Variants in KMT5C observed in about 807,000 individuals in gnomAD.
KMT5C encodes lysine methyltransferase 5C.
A neutral mutation model predicts 38.2 loss-of-function variants in KMT5C; 16 were observed. The ratio of observed to expected loss-of-function variants is 0.42; its 90% CI spans 0.28 to 0.64. The LOEUF is 0.64. Ranked by LOEUF, KMT5C falls within the 30% of genes least tolerant of loss-of-function variation. The pLI, the probability that KMT5C is intolerant of heterozygous loss-of-function variation, is 0.23. For missense variants in KMT5C, 598 were observed against 665.1 expected, an observed-to-expected ratio of 0.90 and a Z score of 1.11; for synonymous variants, 291 against 279.0, an observed-to-expected ratio of 1.04 and a Z score of -0.43.
intron 6 of KMT5C, chr19:55,345,105 C>A (rs1358718808): frequency 6.6e-6 from 3 of 455,560 alleles, no homozygotes; most frequent in African/African-American, 4.0e-5. Flanking sequence ...CAGTGTGCTC[C>A]AGCCACCTTG....
At chr19:55,340,936 C>T (rs1327876853) in intron 1 of KMT5C, among the ~76,000 whole-genome samples, 2 of 152,044 alleles carry the variant, frequency 1.3e-5, no homozygotes, top group African/African-American at 4.8e-5. Context: ...CTGCAGCGCC[C>T]CCTCTTTCTC....
chr19:55,346,887 ACCGGCCCAGCTTGCACTGACTTCACCTCT>A, intron 8 of KMT5C, 40 bp from the exon 9 acceptor site: 1 of 765,812 alleles, frequency 1.3e-6, no homozygotes. Context: ...CCAGAGGAGG[ACCGGCCCAGCTTGCACTGACTTCACCTCT>A]CCTTTGTTCC....
intron 1 of KMT5C, 149 bp downstream of exon 1, chr19:55,340,106 G>T (rs967168529): frequency 7.5e-6 from 1 of 134,206 alleles, no homozygotes; most frequent in Non-Finnish European, 1.6e-5. Flanking sequence ...CCGGCCCCTC[G>T]CCGGGCCTCG....
chr19:55,341,945 C>T lies in KMT5C; in HGVS notation c.9C>T (p.Pro3=), dbSNP rs148123445. MG[P]DRVTARELCE... is the part of the protein sequence containing the mutation. Reference sequence around the variant, plus strand: ...ATGGTCCGCAGGGCACCATGGGGCCCGACAGAGTGACAGCACGAGAACTGT... The same window carrying T: ...ATGGTCCGCAGGGCACCATGGGGCCTGACAGAGTGACAGCACGAGAACTGT... Residue 3 remains proline, a synonymous_variant, in exon 2 of 9, where the codon CCC becomes CCT. Coordinates refer to ENST00000255613, the MANE Select transcript of KMT5C (RefSeq NM_032701.4). The T allele has an allele frequency of 2.2e-5, 36 of 1,613,216 alleles. No homozygotes were observed. The highest frequency in any genetic ancestry group is 3.3e-5 in the South Asian group (3 of 91,088).
chr19:55,345,009 C>T (rs1422506460), intron 6 of KMT5C: 7 of 456,910 alleles, frequency 1.5e-5, no homozygotes, highest in Middle Eastern at 3.2e-4. Context: ...TTTTGGACAG[C>T]GAATGCGTGG....
At chr19:55,345,183 G>T in intron 6 of KMT5C, 1 of 403,836 alleles carries the variant, frequency 2.5e-6, no homozygotes, top group East Asian at 7.2e-5. Flanking sequence ...GCCATGCTGG[G>T]CATCGACGGA....
chr19:55,346,811 C>T, intron 8 of KMT5C, 124 bp downstream of exon 8: 1 of 699,440 alleles, frequency 1.4e-6, no homozygotes, highest in Non-Finnish European at 2.1e-6. Context: ...CGCTGGCAGG[C>T]CTCGCTGTTG....
Position 55,346,610 on chromosome 19 carries a change from A to T in KMT5C, c.818A>T (p.Asp273Val). ...ETKRRLQQGL[D>V]SGSRQGLLGP... Reference sequence around the variant, plus strand: ...AAGCGGCGGCTGCAGCAAGGCCTGGACAGTGGCAGCCGACAGGGCCTGCTG... The same window carrying T: ...AAGCGGCGGCTGCAGCAAGGCCTGGTCAGTGGCAGCCGACAGGGCCTGCTG... Residue 273 changes from aspartate (D) to valine (V), a missense_variant, in exon 8 of 9, where the codon GAC becomes GTC. Asp to Val is a radical substitution (Grantham distance 152). Around this residue, in one of 3 missense-constraint regions of KMT5C, gnomAD observed 326 missense variants for 298.1 expected, o/e 1.09. Coordinates refer to ENST00000255613, the MANE Select transcript of KMT5C (RefSeq NM_032701.4). 2 of 1,573,978 alleles carry T rather than the reference A, an allele frequency of 1.3e-6. No individual in the cohort carries two copies. Among genetic ancestry groups the T allele is most frequent in the South Asian group, 2.3e-5 (2 of 85,950 alleles).
At chr19:55,339,991 C>A (rs1323287617) in intron 1 of KMT5C, 34 bp downstream of exon 1, 2 of 152,294 alleles carry the variant, frequency 1.3e-5, no homozygotes, top group Non-Finnish European at 2.9e-5. Context: ...TCTCTGAGCC[C>A]CTTCACGGCC....
At position 55,346,357 on chromosome 19, in the gene KMT5C, C is replaced by G. The variant is rs779865486; in HGVS notation, c.707+8C>G. 21 of 1,613,802 alleles carry G rather than the reference C, an allele frequency of 1.3e-5. No individual in the cohort carries two copies. The highest frequency in any genetic ancestry group is 2.7e-5 in the African/African-American group (2 of 74,892). The stretch of plus-strand genomic sequence containing the variant: ...ATGCCACACCTGTGAGAGGTGGGAC[C>G]GGGCGAGAGGCGGCTGGGTTCGGGT... On this transcript the variant is annotated splice_region_variant and intron_variant, in intron 7 of 8. Transcript: ENST00000255613.
At chr19:55,346,096 G>C (rs991313604) in intron 6 of KMT5C, 117 bp from the exon 7 acceptor site, 61 of 1,268,540 alleles carry the variant, frequency 4.8e-5, no homozygotes, top group Non-Finnish European at 6.4e-5. Flanking sequence ...TAGGGGCTCA[G>C]CTGTTGCCCC....
rs1481203347 is a variant in KMT5C at position 55,343,619 on chromosome 19, C to A, written c.387-61C>A. The A allele has an allele frequency of 3.9e-6, 6 of 1,523,442 alleles. No individual in the cohort carries two copies. The African/African-American group carries it at 5.5e-5, about 14-fold the overall frequency. The allele number at this position is 1,523,442 out of a possible 1,614,324, so 94.4% of individuals were successfully genotyped here. On this transcript the variant is annotated intron_variant, in intron 4 of 8. Transcript: ENST00000255613. The surrounding 1 kb of genome is among the most constrained non-coding windows in gnomAD (Gnocchi z 5.5). ...TGCCTCTGTGCCGGAGGCCCGAGTC[C>A]CCTGAACACCTGCAGGAGGCCAGGC...
chr19:55,346,828 T>TC (rs2089624851), intron 8 of KMT5C, 128 bp from the exon 9 acceptor site: 3 of 792,546 alleles, frequency 3.8e-6, no homozygotes, highest in Non-Finnish European at 5.9e-6. Flanking sequence ...GTTGAGCAGT[T>TC]CGGCCGCATC....
At position 55,342,325 on chromosome 19, in the gene KMT5C, C is replaced by CGGCCCGCTACTTCCA; in HGVS notation, c.223_237dup (p.Ala75_Gln79dup). ...CGGGCCCTGACGCTGGGAGGCTGGA[C>CGGCCCGCTACTTCCA]GGCCCGCTACTTCCAGAGCCGGGGC... On this transcript the variant is annotated inframe_insertion, in exon 3 of 9. Transcript: ENST00000255613. 6.4e-7 allele frequency: 1 copy of CGGCCCGCTACTTCCA among 1,569,758 alleles called. No homozygotes were observed. Among genetic ancestry groups the CGGCCCGCTACTTCCA allele is most frequent in the Middle Eastern group, 1.7e-4 (1 of 5,884 alleles).
rs1350740881 is a variant in KMT5C at position 55,347,625 on chromosome 19, T to C, written c.*176T>C. The C allele has an allele frequency of 9.2e-6, 10 of 1,091,092 alleles. No individual in the cohort carries two copies. The highest frequency in any genetic ancestry group is 1.2e-5 in the Non-Finnish European group (10 of 814,828). The allele number at this position is 1,091,092 out of a possible 1,614,324, so 67.6% of individuals were successfully genotyped here. ...CCCAGGGATCTGAGCCCTGACCCTT[T>C]GTGACTGCTGACCCCTGAGCCACCC... On this transcript the variant is annotated 3_prime_UTR_variant, in exon 9 of 9. Coordinates refer to ENST00000255613, the MANE Select transcript of KMT5C (RefSeq NM_032701.4). The surrounding 1 kb of genome is among the most constrained non-coding windows in gnomAD (Gnocchi z 4.6).
Position 55,342,739 on chromosome 19 carries a change from C to T in KMT5C, c.277-3C>T, listed in dbSNP as rs1412756136. The T allele has an allele frequency of 1.3e-6, 2 of 1,574,188 alleles. No homozygotes were observed. Among genetic ancestry groups the T allele is most frequent in the South Asian group, 2.2e-5 (2 of 90,314 alleles). On this transcript the variant is annotated splice_polypyrimidine_tract_variant and splice_region_variant and intron_variant, in intron 3 of 8. Transcript: ENST00000255613. ...TCCTCACCCCCACCCTCACCCTCAC[C>T]AGGTCTATCGCTACCTCCGTGCCTT... is the stretch of plus-strand genomic sequence containing the variant.
Position 55,347,087 on chromosome 19 carries a change from G to A in KMT5C, c.1027G>A (p.Ala343Thr). The A allele has an allele frequency of 6.4e-6, 10 of 1,569,822 alleles. No homozygotes were observed. The highest frequency in any genetic ancestry group is 1.1e-5 in the South Asian group (1 of 88,542). ...GCGCCGACGCCCCCGGCCCCGGAGGGCCCCAGTGCTCTCCACCCACCACGC... is the reference window on the plus strand; with the variant it reads ...GCGCCGACGCCCCCGGCCCCGGAGGACCCCAGTGCTCTCCACCCACCACGC... ...RKRRRPRPRR[A>T]PVLSTHHAAR... The change falls in exon 9 of 9, where the codon GCC (alanine) becomes ACC (threonine). Residue 343 changes from alanine to threonine, a missense_variant. By Grantham distance (58) the Ala-to-Thr change is moderately conservative. This residue lies in a region of KMT5C where 326 missense variants were observed against 298.1 expected (regional missense o/e 1.09). Coordinates refer to ENST00000255613, the MANE Select transcript of KMT5C (RefSeq NM_032701.4). This position sits in a 1 kb window ranked among gnomAD's most constrained non-coding sequence, Gnocchi z 4.6.
rs1418229628 is a variant in KMT5C at position 55,346,613 on chromosome 19, G to T, written c.821G>T (p.Ser274Ile). The T allele has an allele frequency of 1.3e-6, 2 of 1,572,968 alleles. No individual in the cohort carries two copies. Among genetic ancestry groups the T allele is most frequent in the African/African-American group, 1.4e-5 (1 of 74,000 alleles). Reference protein sequence around the residue: ...TKRRLQQGLDSGSRQGLLGPR... With the variant: ...TKRRLQQGLDIGSRQGLLGPR... ...CGGCGGCTGCAGCAAGGCCTGGACA[G>T]TGGCAGCCGACAGGGCCTGCTGGGC... is the stretch of plus-strand genomic sequence containing the variant. Residue 274 changes from serine to isoleucine, a missense_variant, in exon 8 of 9, where the codon AGT (serine) becomes ATT (isoleucine). Coordinates refer to ENST00000255613, the MANE Select transcript of KMT5C (RefSeq NM_032701.4).
At position 55,344,729 on chromosome 19, in the gene KMT5C, G is replaced by C. The variant is rs559201870; in HGVS notation, c.570+732G>C. On this transcript the variant is annotated intron_variant, in intron 6 of 8. Coordinates refer to ENST00000255613, the MANE Select transcript of KMT5C (RefSeq NM_032701.4). ...AGGACTCAGGATGCTGTCCAGACAT[G>C]CCCAGGAGAGGCCGCTGGTTGTCCT... 543 of 526,406 alleles carry C rather than the reference G, an allele frequency of 1.0e-3. 1 individual carries two copies. Among genetic ancestry groups the C allele is most frequent in the African/African-American group, 9.5e-3 (492 of 51,990 alleles). The allele number at this position is 526,406 out of a possible 1,614,324, so 32.6% of individuals were successfully genotyped here. A position where few individuals can be genotyped will look rare whatever the true frequency, so the allele number is the denominator to read the frequency against.
Sources: allele counts gnomAD v4.1 joint callset (sites outside exome capture counted in the v4.1 genomes callset), GRCh38; gene constraint gnomAD v4.1.1; regional missense constraint gnomAD v4.1.1; non-coding constraint Gnocchi (gnomAD v3.1); transcripts MANE v1.5; gene names NCBI Gene and HGNC (gene_info 2026-07-23, HGNC 2026-07-21).